SNX8: variants seen among roughly 807,000 people sequenced by gnomAD.
SNX8 encodes the protein sorting nexin 8.
In SNX8, 25 loss-of-function variants were observed where a neutral mutation model predicts 51.6. That is an observed-to-expected ratio of 0.48 (90% CI 0.35 to 0.68). The LOEUF is 0.68. Among genes scored for constraint, SNX8 ranks in the 30% least tolerant of loss-of-function variants. SNX8 has a pLI of 0.00. For missense variants in SNX8, 695 were observed against 624.0 expected, an observed-to-expected ratio of 1.11 and a Z score of -1.21; for synonymous variants, 324 against 277.0, an observed-to-expected ratio of 1.17 and a Z score of -1.68.
At chr7:2,328,517 G>A (rs762831427) in intron 1 of SNX8, among the ~76,000 whole-genome samples, 7 of 151,578 alleles carry the variant, frequency 4.6e-5, no homozygotes, top group Admixed American at 3.3e-4. Flanking sequence ...TATTTGAATC[G>A]AAATACTGAA....
intron 7 of SNX8, among the ~76,000 whole-genome samples, chr7:2,258,254 G>T (rs1795245577): frequency 6.6e-6 from 1 of 152,012 alleles, no homozygotes; most frequent in Non-Finnish European, 1.5e-5. Flanking sequence ...CAGACCTCGT[G>T]ATCCGCCCGC....
chr7:2,338,504 G>T (rs1276920969), intron 1 of SNX8, among the ~76,000 whole-genome samples: 1 of 151,026 alleles, frequency 6.6e-6, no homozygotes, highest in Non-Finnish European at 1.5e-5. Context: ...GCGTGGTGGC[G>T]CAAGCCTGTA....
intron 1 of SNX8, among the ~76,000 whole-genome samples, chr7:2,321,487 C>T (rs1309681582): frequency 5.9e-5 from 8 of 135,658 alleles, no homozygotes; most frequent in Admixed American, 5.5e-4. Context: ...AGTGCAGTGG[C>T]GTGATCTCAG....
intron 1 of SNX8, among the ~76,000 whole-genome samples, chr7:2,351,623 G>C (rs1269417563): frequency 4.6e-5 from 7 of 151,844 alleles, no homozygotes; most frequent in Non-Finnish European, 1.0e-4. Context: ...ACGAGGTCAG[G>C]AGAGTGAGAC....
chr7:2,340,065 CT>C (rs748282709), intron 1 of SNX8, among the ~76,000 whole-genome samples: 3,423 of 142,130 alleles, frequency 0.024, 92 homozygotes, highest in African/African-American at 0.065. Context: ...GGCTACAAAA[CT>C]TTTTTTTTTT....
rs1363640406 is a variant in SNX8 at position 2,264,371 on chromosome 7, C to T, written c.709G>A (p.Asp237Asn). Residue 237 changes from aspartate to asparagine, a missense_variant, in exon 6 of 11, where the codon GAC (aspartate) becomes AAC (asparagine). Asp to Asn is a conservative substitution (Grantham distance 23). Coordinates refer to ENST00000222990, the MANE Select transcript of SNX8 (RefSeq NM_013321.4). ...CGCGATGCGATCCGCTCGGCCCTGT[C>T]GCGAAGCTTGTGAAAGCTATTGTAG... ...NIYNSFHKLR[D>N]RAERIASRAI... 5.0e-6 allele frequency: 8 copies of T among 1,613,030 alleles called. No individual in the cohort carries two copies. In the South Asian group the frequency reaches 5.5e-5, roughly 11 times the overall value.
upstream of SNX8, chr7:2,354,366 T>C (rs1779263854): frequency 6.6e-6 from 1 of 152,242 alleles, no homozygotes; most frequent in Admixed American, 6.5e-5. Flanking sequence ...CAGGGGGGAC[T>C]TTAGTAACGT....
chr7:2,348,680 C>T lies in SNX8; in HGVS notation c.-66+5542G>A, dbSNP rs1482779974. On this transcript the variant is annotated intron_variant, in intron 1 of 5. Coordinates refer to the SNX8 transcript ENST00000435336. The stretch of plus-strand genomic sequence containing the variant: ...GGGTTACCCAGCCAGTGGCCAGGCG[C>T]GGTGGCTCACACCTGTAATTCCAGC... Among the ~76,000 whole-genome samples, 13 of 151,556 alleles carry T rather than the reference C, an allele frequency of 8.6e-5. No individual in the cohort carries two copies. In the East Asian group the frequency reaches 2.0e-3, roughly 23 times the overall value.
chr7:2,293,361 T>C (rs1329944462), intron 1 of SNX8, among the ~76,000 whole-genome samples: 2 of 151,786 alleles, frequency 1.3e-5, no homozygotes, highest in Admixed American at 6.6e-5. Flanking sequence ...AATGAGCACC[T>C]GAAAAGATGC....
At chr7:2,257,869 A>G (rs921089675) in intron 7 of SNX8, 66 bp from the exon 8 acceptor site, 41 of 1,487,996 alleles carry the variant, frequency 2.8e-5, no homozygotes, top group Non-Finnish European at 3.7e-5. Flanking sequence ...CCGGGAACTC[A>G]GACCCAAGCC....
rs2115080846 is a variant in SNX8, at chr7:2,254,205, C to T, written c.*851G>A. ...ATCCACTTAAAAGGGGGCTGTCCCT[C>T]CTCTAAAGCCTCAGCTGGAATGGAA... is the stretch of plus-strand genomic sequence containing the variant. On this transcript the variant is annotated 3_prime_UTR_variant, in exon 11 of 11. Transcript: ENST00000222990. 1 of 152,636 alleles carries T rather than the reference C, an allele frequency of 6.6e-6. No individual in the cohort carries two copies. Among genetic ancestry groups the T allele is most frequent in the Admixed American group, 6.5e-5 (1 of 15,310 alleles). 9.5% of individuals were successfully genotyped at this position (152,636 alleles called of 1,614,324 possible). A position where few individuals can be genotyped will look rare whatever the true frequency, so the allele number is the denominator to read the frequency against.
chr7:2,297,948 T>C (rs1268504775), intron 1 of SNX8, among the ~76,000 whole-genome samples: 2 of 151,820 alleles, frequency 1.3e-5, no homozygotes, highest in South Asian at 2.1e-4. Flanking sequence ...ATTATTTTGG[T>C]GACAAGTACA....
At chr7:2,274,550 G>A (rs945714115) in intron 3 of SNX8, among the ~76,000 whole-genome samples, 2 of 152,244 alleles carry the variant, frequency 1.3e-5, no homozygotes, top group African/African-American at 4.8e-5. Flanking sequence ...GGTCGTCTGC[G>A]ATCTCCCACC....
chr7:2,284,990 A>C (rs1164793253), intron 1 of SNX8, among the ~76,000 whole-genome samples: 2 of 151,906 alleles, frequency 1.3e-5, no homozygotes, highest in Non-Finnish European at 1.5e-5. Flanking sequence ...AGGTGGGCGG[A>C]TCACAAGGTC....
intron 1 of SNX8, among the ~76,000 whole-genome samples, chr7:2,301,603 C>G (rs1796394792): frequency 6.6e-6 from 1 of 152,250 alleles, no homozygotes; most frequent in Non-Finnish European, 1.5e-5. Flanking sequence ...GTGATTTATG[C>G]AGAAATTTCT....
intron 2 of SNX8, among the ~76,000 whole-genome samples, chr7:2,276,894 A>G (rs1327961273): frequency 6.6e-6 from 1 of 152,158 alleles, no homozygotes; most frequent in Non-Finnish European, 1.5e-5. Flanking sequence ...GTAGTGAGCT[A>G]TGATCGTGCC....
At position 2,278,314 on chromosome 7, in the gene SNX8, G is replaced by C. The variant is rs747760730; in HGVS notation, c.95-9C>G. The C allele has an allele frequency of 6.6e-7, 1 of 1,504,126 alleles. No individual in the cohort carries two copies. The highest frequency in any genetic ancestry group is 1.2e-5 in the South Asian group (1 of 82,648). The allele number at this position is 1,504,126 out of a possible 1,614,324, so 93.2% of individuals were successfully genotyped here. A position where few individuals can be genotyped will look rare whatever the true frequency, so the allele number is the denominator to read the frequency against. ...CTGGGGTGTCGGCAGATCTGCAGGG[G>C]AGATGGTGAATGACCAGTGAGAATA... On this transcript the variant is annotated splice_polypyrimidine_tract_variant and intron_variant, in intron 1 of 10. Transcript: ENST00000222990.
chr7:2,347,615 T>G (rs113026436), intron 1 of SNX8, among the ~76,000 whole-genome samples: 2 of 78,824 alleles, frequency 2.5e-5, no homozygotes, highest in African/African-American at 5.9e-5. Flanking sequence ...ACTGGATTCT[T>G]TTTTTTTTTT....
intron 1 of SNX8, among the ~76,000 whole-genome samples, chr7:2,283,390 C>A (rs1455299283): frequency 1.6e-4 from 25 of 152,228 alleles, no homozygotes; most frequent in Admixed American, 1.6e-3. Context: ...CTCACACACA[C>A]CCCCAGCTCC....
Sources: allele counts gnomAD v4.1 joint callset (sites outside exome capture counted in the v4.1 genomes callset), GRCh38; gene constraint gnomAD v4.1.1; transcripts MANE v1.5; gene names NCBI Gene and HGNC (gene_info 2026-07-23, HGNC 2026-07-21).